ZNF407: variants seen among roughly 807,000 people sequenced by gnomAD.
ZNF407 encodes the protein zinc finger protein 407.
In ZNF407, 17 loss-of-function variants were observed where a neutral mutation model predicts 131.2. The ratio of observed to expected loss-of-function variants is 0.13; its 90% CI spans 0.09 to 0.19. ZNF407 has a LOEUF of 0.19. ZNF407 is among the 10% of genes least tolerant of loss of function. The probability of loss-of-function intolerance (pLI) is 1.00; values close to 1 mark genes in which losing one functional copy is unlikely to be tolerated. For missense variants in ZNF407, 2,681 were observed against 2,830.6 expected (o/e 0.95, Z 1.20); for synonymous variants, 1,156 against 1,062.0 (o/e 1.09, Z -1.72).
At chr18:74,678,887 T>G (rs1966913609) in intron 3 of ZNF407, among the ~76,000 whole-genome samples, 1 of 152,024 alleles carries the variant, frequency 6.6e-6, no homozygotes, top group South Asian at 2.1e-4. Context: ...ATTATATGTA[T>G]TTACAGGATG....
intron 3 of ZNF407, among the ~76,000 whole-genome samples, chr18:74,743,151 C>T (rs1160223127): frequency 5.9e-5 from 9 of 152,006 alleles, no homozygotes; most frequent in African/African-American, 2.2e-4. Flanking sequence ...AAATAGAGAA[C>T]GCTGGAGAAG....
intron 4 of ZNF407, among the ~76,000 whole-genome samples, chr18:74,875,098 A>G (rs1259951922): frequency 1.3e-5 from 2 of 152,196 alleles, no homozygotes; most frequent in South Asian, 4.1e-4. Flanking sequence ...ATTTTAGAAT[A>G]TTTGAGACTC....
At chr18:74,990,226 G>T (rs566061168) in intron 8 of ZNF407, among the ~76,000 whole-genome samples, 74 of 152,290 alleles carry the variant, frequency 4.9e-4, no homozygotes, top group African/African-American at 1.7e-3. Context: ...CTGTGCAGAT[G>T]TCAATTAGTT....
At chr18:75,019,017 T>C (rs1973076771) in intron 8 of ZNF407, among the ~76,000 whole-genome samples, 1 of 152,098 alleles carries the variant, frequency 6.6e-6, no homozygotes. Context: ...AATAATCTGA[T>C]CAAACCCATT....
chr18:74,921,849 G>A (rs1971850916), intron 8 of ZNF407, among the ~76,000 whole-genome samples: 1 of 152,162 alleles, frequency 6.6e-6, no homozygotes, highest in African/African-American at 2.4e-5. Flanking sequence ...GCTTCAAAAT[G>A]CTTAAGCAAT....
At chr18:74,691,272 T>C (rs531093817) in intron 3 of ZNF407, among the ~76,000 whole-genome samples, 2 of 151,832 alleles carry the variant, frequency 1.3e-5, no homozygotes, top group East Asian at 3.9e-4. Flanking sequence ...AGAGCAAAAC[T>C]CTGTCTCAAA....
Position 74,631,996 on chromosome 18 carries a change from C to A in ZNF407, c.977C>A (p.Thr326Lys), listed in dbSNP as rs777804251. The A allele has an allele frequency of 3.1e-6, 5 of 1,613,800 alleles. No homozygotes were observed. The African/African-American group carries it at 6.7e-5, about 22-fold the overall frequency. Residue 326 changes from threonine (T) to lysine (K), a missense_variant, in exon 2 of 9, where the codon ACG becomes AAG. Physicochemically the swap from Thr to Lys is moderately conservative, Grantham distance 78 (BLOSUM62 -1). Transcript: ENST00000299687. ...AAAGGATTACGAAATGTGGGAAGCA[C>A]GTTTAAAGATTTCAGAGGAAGTATT... ...DSKGLRNVGS[T>K]FKDFRGSISK...
chr18:75,048,822 G>GA lies in ZNF407; in HGVS notation c.5429-14322dup, dbSNP rs1973464230. Among the ~76,000 whole-genome samples, 1 of 152,176 alleles carries GA rather than the reference G, an allele frequency of 6.6e-6. No homozygotes were observed. Among genetic ancestry groups the GA allele is most frequent in the African/African-American group, 2.4e-5 (1 of 41,450 alleles). On this transcript the variant is annotated intron_variant, in intron 8 of 8. Coordinates refer to ENST00000299687, the MANE Select transcript of ZNF407 (RefSeq NM_017757.3). The surrounding 1 kb of genome is among the most constrained non-coding windows in gnomAD (Gnocchi z 4.1). Reference sequence around the variant, plus strand: ...TGAACAGTTATGATTCCTAAAAACTGAAAAAATTAAATTGGAGGGTGGGAA... The same window carrying GA: ...TGAACAGTTATGATTCCTAAAAACTGAAAAAAATTAAATTGGAGGGTGGGAA...
At chr18:74,738,985 A>T (rs1968485244) in intron 3 of ZNF407, among the ~76,000 whole-genome samples, 1 of 152,144 alleles carries the variant, frequency 6.6e-6, no homozygotes, top group Admixed American at 6.5e-5. Flanking sequence ...GTGGCTCCAG[A>T]TACCAGGTAT....
intron 4 of ZNF407, among the ~76,000 whole-genome samples, chr18:74,854,153 G>T (rs1199308539): frequency 6.6e-6 from 1 of 152,186 alleles, no homozygotes; most frequent in East Asian, 1.9e-4. Context: ...GGGGACAGGT[G>T]ATACGGGAGG....
rs1475358995 is a variant in ZNF407, at chr18:74,635,393, C to T, written c.4374C>T (p.Asn1458=). ...LCGKSFYTES[N]LHQHLASAGH... is the part of the protein sequence containing the mutation. The stretch of plus-strand genomic sequence containing the variant: ...GAAAGTCGTTCTATACCGAAAGCAA[C>T]CTTCACCAGCATCTGGCTAGTGCCG... Residue 1458 remains asparagine, a synonymous_variant, in exon 2 of 9, where the codon AAC becomes AAT. Coordinates refer to ENST00000299687, the MANE Select transcript of ZNF407 (RefSeq NM_017757.3). The surrounding 1 kb of genome is among the most constrained non-coding windows in gnomAD (Gnocchi z 4.7). 1.9e-6 allele frequency: 3 copies of T among 1,613,928 alleles called. No individual in the cohort carries two copies. Among genetic ancestry groups the T allele is most frequent in the Non-Finnish European group, 2.5e-6 (3 of 1,179,858 alleles).
rs142304235 is a variant in ZNF407, at chr18:74,750,930, G to A, written c.4803-30498G>A. ...GTTTTGATTTCAATTTTCCTGAAGA[G>A]TAATGCTCTTGAGCAACTTTTTATG... On this transcript the variant is annotated intron_variant, in intron 3 of 8. Transcript: ENST00000299687. Among the ~76,000 whole-genome samples, 363 of 152,210 alleles carry A rather than the reference G, an allele frequency of 2.4e-3. 3 individuals are homozygous for A. The highest frequency in any genetic ancestry group is 8.3e-3 in the African/African-American group (346 of 41,530).
At chr18:74,705,622 T>A (rs1967606799) in intron 3 of ZNF407, among the ~76,000 whole-genome samples, 1 of 152,228 alleles carries the variant, frequency 6.6e-6, no homozygotes, top group Admixed American at 6.5e-5. Context: ...ATTTTTTTAG[T>A]GTAGCAAAAC....
At chr18:74,965,966 A>ACATAAT (rs1299158214) in intron 8 of ZNF407, among the ~76,000 whole-genome samples, 1 of 152,170 alleles carries the variant, frequency 6.6e-6, no homozygotes, top group Non-Finnish European at 1.5e-5. Context: ...TCTTCTTTTG[A>ACATAAT]GAAATGTCTA....
intron 7 of ZNF407, among the ~76,000 whole-genome samples, chr18:74,902,205 C>T (rs929027208): frequency 3.9e-5 from 6 of 152,192 alleles, no homozygotes; most frequent in Admixed American, 6.5e-5. Flanking sequence ...CCACTGCTGG[C>T]CTGCGTGGAG....
At chr18:74,878,320 C>T (rs771233131) in intron 5 of ZNF407, among the ~76,000 whole-genome samples, 3 of 151,982 alleles carry the variant, frequency 2.0e-5, no homozygotes, top group Non-Finnish European at 4.4e-5. Context: ...ATCAGCATTC[C>T]AAAATGTTCT....
At chr18:74,920,939 A>C (rs532803614) in intron 8 of ZNF407, 1 of 1,169,546 alleles carries the variant, frequency 8.6e-7, no homozygotes, top group African/African-American at 1.6e-5. Context: ...CTGTAAAGTT[A>C]ATAATAGTAA....
intron 6 of ZNF407, among the ~76,000 whole-genome samples, chr18:74,889,326 A>G (rs1049851695): frequency 6.6e-6 from 1 of 152,092 alleles, no homozygotes; most frequent in African/African-American, 2.4e-5. Context: ...CTATGTATCT[A>G]TCTGTTATAT....
At chr18:74,995,360 C>T (rs1972768244) in intron 8 of ZNF407, among the ~76,000 whole-genome samples, 1 of 150,272 alleles carries the variant, frequency 6.7e-6, no homozygotes, top group Non-Finnish European at 1.5e-5. Context: ...GAGACAGGTT[C>T]AGAGACTACT....
Sources: allele counts gnomAD v4.1 joint callset (sites outside exome capture counted in the v4.1 genomes callset), GRCh38; gene constraint gnomAD v4.1.1; non-coding constraint Gnocchi (gnomAD v3.1); transcripts MANE v1.5; gene names NCBI Gene and HGNC (gene_info 2026-07-23, HGNC 2026-07-21).